Variants in BID observed in about 807,000 individuals in gnomAD.
BID encodes the protein BH3-interacting domain death agonist.
BID carries 19 observed loss-of-function variants against 17.4 expected under a neutral mutation model. That is an observed-to-expected ratio of 1.09 (90% CI 0.76 to 1.60). The LOEUF is 1.60. Among genes scored for constraint, BID ranks in the 40% most tolerant of loss-of-function variants. The pLI, the probability that BID is intolerant of heterozygous loss-of-function variation, is 0.00. For missense variants in BID, 226 were observed against 256.0 expected, an observed-to-expected ratio of 0.88 and a Z score of 0.80; for synonymous variants, 108 against 102.8, an observed-to-expected ratio of 1.05 and a Z score of -0.31.
chr22:17,773,176 C>T lies in BID; in HGVS notation c.-59+1205G>A, dbSNP rs999728312. Among the ~76,000 whole-genome samples the T allele has an allele frequency of 6.6e-6, 1 of 152,152 alleles. No homozygotes were observed. The highest frequency in any genetic ancestry group is 2.4e-5 in the African/African-American group (1 of 41,418). On this transcript the variant is annotated intron_variant, in intron 1 of 5. Transcript: ENST00000622694. The surrounding 1 kb of genome is among the most constrained non-coding windows in gnomAD (Gnocchi z 4.4). ...AAGGGGCAGGGACGCACACCCTGGG[C>T]CGCAGGCAGAGGCTTGGCCAGGGTC... is the stretch of plus-strand genomic sequence containing the variant.
intron 1 of BID, among the ~76,000 whole-genome samples, chr22:17,772,036 C>T (rs1433586651): frequency 2.0e-5 from 3 of 152,230 alleles, no homozygotes; most frequent in East Asian, 1.9e-4. Flanking sequence ...CCAACTCCCT[C>T]GGGTGTGACC....
At chr22:17,751,849 C>T (rs2061542423) in intron 1 of BID, among the ~76,000 whole-genome samples, 1 of 152,184 alleles carries the variant, frequency 6.6e-6, no homozygotes, top group African/African-American at 2.4e-5. Flanking sequence ...GCTCCGGGGC[C>T]ATCTGCCGGC....
chr22:17,768,071 A>G (rs2061691297), intron 1 of BID, among the ~76,000 whole-genome samples: 1 of 152,246 alleles, frequency 6.6e-6, no homozygotes, highest in Non-Finnish European at 1.5e-5. Context: ...GAAATGTCCT[A>G]AATGTGCAAC....
intron 1 of BID, among the ~76,000 whole-genome samples, chr22:17,771,884 A>C (rs1241421914): frequency 6.6e-6 from 1 of 152,164 alleles, no homozygotes; most frequent in Non-Finnish European, 1.5e-5. Flanking sequence ...GCTGCCTTGG[A>C]ATCTGGGCTG....
chr22:17,763,050 T>C (rs1189570413), intron 1 of BID, among the ~76,000 whole-genome samples: 1 of 151,706 alleles, frequency 6.6e-6, no homozygotes, highest in African/African-American at 2.4e-5. Flanking sequence ...CTAATTTTTG[T>C]ATTTTTAGTA....
chr22:17,748,925 A>G (rs1350842855), intron 2 of BID, among the ~76,000 whole-genome samples: 1 of 152,176 alleles, frequency 6.6e-6, no homozygotes, highest in African/African-American at 2.4e-5. Context: ...AGCTCCTGCA[A>G]TCTCCTCTGT....
chr22:17,749,303 G>A (rs2061519408), intron 2 of BID, among the ~76,000 whole-genome samples: 1 of 152,234 alleles, frequency 6.6e-6, no homozygotes, highest in Admixed American at 6.5e-5. Flanking sequence ...GGAGCGTCCT[G>A]CTGAAGGCGG....
At chr22:17,763,903 T>TA (rs1211639039) in intron 1 of BID, among the ~76,000 whole-genome samples, 8 of 114,152 alleles carry the variant, frequency 7.0e-5, no homozygotes, top group African/African-American at 2.8e-4. Flanking sequence ...CACTTATAAT[T>TA]TAAAAAAAAA....
At chr22:17,747,213 G>C (rs2145885346) in intron 2 of BID, among the ~76,000 whole-genome samples, 1 of 152,310 alleles carries the variant, frequency 6.6e-6, no homozygotes, top group South Asian at 2.1e-4. Flanking sequence ...GGGACAGGCT[G>C]GGCCGGCCCT....
At chr22:17,751,463 G>T (rs2061539309) in intron 1 of BID, among the ~76,000 whole-genome samples, 2 of 152,164 alleles carry the variant, frequency 1.3e-5, no homozygotes, top group South Asian at 4.1e-4. Context: ...TTGCCTGTGT[G>T]TGTGTGTGTG....
rs1277498660 is a variant in BID at position 17,773,574 on chromosome 22, T to C, written c.-59+807A>G. On this transcript the variant is annotated intron_variant, in intron 1 of 5. Transcript: ENST00000622694. This position sits in a 1 kb window ranked among gnomAD's most constrained non-coding sequence, Gnocchi z 4.4. ...AACCCTGCCTGCAGGTGAAGGCCGGTCCAGCCGCAGAAGGCCCAGCCCCCA... is the reference window on the plus strand; with the variant it reads ...AACCCTGCCTGCAGGTGAAGGCCGGCCCAGCCGCAGAAGGCCCAGCCCCCA... The C allele has an allele frequency of 2.5e-6, 4 of 1,608,856 alleles. No individual in the cohort carries two copies. The African/African-American group carries it at 5.3e-5, about 21-fold the overall frequency.
At chr22:17,751,232 C>T (rs1213833055) in intron 1 of BID, among the ~76,000 whole-genome samples, 2 of 151,554 alleles carry the variant, frequency 1.3e-5, no homozygotes, top group Non-Finnish European at 2.9e-5. Context: ...ATTAGCCGGG[C>T]GCGGTGGCGG....
In BID at chr22:17,759,869, G is replaced by A. The variant is rs147753621; in HGVS notation, c.-58-9695C>T. ...TCATTTAAAAATGTTTCGGCCGGGC[G>A]AGGTGGCTCACGCCTGTAATCCCAG... On this transcript the variant is annotated intron_variant, in intron 1 of 5. Transcript: ENST00000622694. 1.4e-3 allele frequency among the ~76,000 whole-genome samples: 211 copies of A among 152,118 alleles called. 1 individual carries two copies. Among genetic ancestry groups the A allele is most frequent in the African/African-American group, 4.3e-3 (178 of 41,514 alleles).
rs1340592482 is a variant in BID, at chr22:17,734,307, A to T, written c.*1273T>A. On this transcript the variant is annotated 3_prime_UTR_variant, in exon 6 of 6. Coordinates refer to ENST00000622694, the MANE Select transcript of BID (RefSeq NM_001196.4). ...TGTTTTTCCTTTCTGATGATTTTAA[A>T]CTCTTAAAGAACAGGAAAGCATCTG... is the stretch of plus-strand genomic sequence containing the variant. 1.3e-5 allele frequency: 2 copies of T among 148,602 alleles called. No individual in the cohort carries two copies. Among genetic ancestry groups the T allele is most frequent in the South Asian group, 4.2e-4 (2 of 4,760 alleles). 9.2% of individuals were successfully genotyped at this position (148,602 alleles called of 1,614,324 possible). A position where few individuals can be genotyped will look rare whatever the true frequency, so the allele number is the denominator to read the frequency against.
rs563137975 is a variant in BID, at chr22:17,760,240, G to A, written c.-58-10066C>T. On this transcript the variant is annotated intron_variant, in intron 1 of 5. Coordinates refer to ENST00000622694, the MANE Select transcript of BID (RefSeq NM_001196.4). ...GAGGGCAGATCACTTGAGGTCAAGC[G>A]TTCAAGACCAGCCTGGCCAACATCT... Among the ~76,000 whole-genome samples the A allele has an allele frequency of 7.3e-5, 11 of 151,136 alleles. No homozygotes were observed. The East Asian group carries it at 1.6e-3, about 22-fold the overall frequency.
Position 17,744,008 on chromosome 22 carries a change from G to A in BID, c.18C>T (p.Asn6=), listed in dbSNP as rs2061479202. 6.2e-7 allele frequency: 1 copy of A among 1,613,408 alleles called. No individual in the cohort carries two copies. The highest frequency in any genetic ancestry group is 1.3e-5 in the African/African-American group (1 of 74,920). Residue 6 remains asparagine, a synonymous_variant, in exon 3 of 6, where the codon AAC becomes AAT. Coordinates refer to ENST00000622694, the MANE Select transcript of BID (RefSeq NM_001196.4). ...ACTCATCCCTGAGGCTGGAACCGTT[G>A]TTGACCTGAGGGGAAAGGGGAGTCA... is the stretch of plus-strand genomic sequence containing the variant. MDCEV[N]NGSSLRDECI...
intron 1 of BID, among the ~76,000 whole-genome samples, chr22:17,750,823 A>G (rs528251962): frequency 6.6e-6 from 1 of 151,320 alleles, no homozygotes; most frequent in Non-Finnish European, 1.5e-5. Context: ...GCGAGACTCC[A>G]TCTCAAAAAG....
intron 3 of BID, among the ~76,000 whole-genome samples, chr22:17,742,472 C>T (rs2145878448): frequency 1.2e-5 from 1 of 85,642 alleles, no homozygotes; most frequent in East Asian, 3.9e-4. Flanking sequence ...CAGACACCTC[C>T]CCCCACCCCC....
chr22:17,741,884 G>T (rs930805146), intron 3 of BID, among the ~76,000 whole-genome samples: 1 of 152,118 alleles, frequency 6.6e-6, no homozygotes, highest in Non-Finnish European at 1.5e-5. Context: ...AGCTCAATTG[G>T]AGCTGCAGCC....
Sources: gnomAD v4.1 joint callset for allele counts (sites outside exome capture counted in the v4.1 genomes callset) on GRCh38, gnomAD v4.1.1 for gene constraint, Gnocchi (gnomAD v3.1) non-coding constraint, MANE v1.5 for transcripts, NCBI Gene and HGNC (gene_info 2026-07-23, HGNC 2026-07-21) for gene names.